The following KAZN variants were observed in gnomAD, a reference collection of about 807,000 sequenced individuals.
The protein encoded by KAZN is kazrin.
In KAZN, 40 loss-of-function variants were observed where a neutral mutation model predicts 87.4. That is an observed-to-expected ratio of 0.46 (90% CI 0.36 to 0.60). The LOEUF (loss-of-function observed/expected upper bound fraction) is 0.60, where lower values mean the gene tolerates loss of function less well. Ranked by LOEUF, KAZN falls within the 20% of genes least tolerant of loss-of-function variation. The probability of loss-of-function intolerance (pLI) is 0.00; values close to 1 mark genes in which losing one functional copy is unlikely to be tolerated. For synonymous variants in KAZN, 466 were observed against 458.3 expected (o/e 1.02, Z -0.22); for missense variants, 898 against 1,073.9 (o/e 0.84, Z 2.29).
At chr1:14,330,881 C>A (rs1217794127) in intron 2 of KAZN, among the ~76,000 whole-genome samples, 1 of 152,156 alleles carries the variant, frequency 6.6e-6, no homozygotes, top group African/African-American at 2.4e-5. Context: ...CACTACCTGA[C>A]AAGTTCAACC....
intron 2 of KAZN, among the ~76,000 whole-genome samples, chr1:14,494,202 T>TA (rs919953007): frequency 6.6e-6 from 1 of 152,168 alleles, no homozygotes; most frequent in African/African-American, 2.4e-5. Flanking sequence ...CCTGTCCCCA[T>TA]AGATGATAGA....
intron 1 of KAZN, among the ~76,000 whole-genome samples, chr1:14,678,347 T>G (rs2148753770): frequency 6.6e-6 from 1 of 152,322 alleles, no homozygotes; most frequent in Non-Finnish European, 1.5e-5. Context: ...CTCCAAGTTC[T>G]TAGGTTTTTG....
chr1:14,660,118 G>C (rs1229506517), intron 1 of KAZN, among the ~76,000 whole-genome samples: 2 of 152,166 alleles, frequency 1.3e-5, no homozygotes, highest in Non-Finnish European at 2.9e-5. Context: ...GCCTGCTTCA[G>C]TGGGGCTGGG....
chr1:14,411,386 C>T (rs1037843866), intron 2 of KAZN, among the ~76,000 whole-genome samples: 5 of 152,204 alleles, frequency 3.3e-5, no homozygotes, highest in Non-Finnish European at 7.3e-5. Context: ...CCTCCGTCTC[C>T]CTAGTTCAAG....
intron 2 of KAZN, among the ~76,000 whole-genome samples, chr1:14,436,538 T>C (rs1666393087): frequency 6.6e-6 from 1 of 151,558 alleles, no homozygotes; most frequent in Non-Finnish European, 1.5e-5. Context: ...GACAACATGG[T>C]GAAACCCCGT....
intron 2 of KAZN, among the ~76,000 whole-genome samples, chr1:14,552,311 C>T (rs1270789661): frequency 6.6e-6 from 1 of 152,202 alleles, no homozygotes; most frequent in East Asian, 1.9e-4. Flanking sequence ...AGCAGAGCCT[C>T]CCTGCAGCTT....
chr1:14,600,954 T>G lies in KAZN; in HGVS notation c.226+1731T>G, dbSNP rs2148599124. 1.3e-5 allele frequency among the ~76,000 whole-genome samples: 2 copies of G among 152,342 alleles called. 1 individual carries two copies. Among genetic ancestry groups the G allele is most frequent in the South Asian group, 4.1e-4 (2 of 4,828 alleles). ...ATGTCCACATGCTCAACTTGAAAAC[T>G]GACATACTCGCGGATGGTTAAATTG... On this transcript the variant is annotated intron_variant, in intron 1 of 14. Coordinates refer to ENST00000376030, the MANE Select transcript of KAZN (RefSeq NM_201628.3).
chr1:14,502,877 A>G (rs530490824), intron 2 of KAZN, among the ~76,000 whole-genome samples: 17 of 152,276 alleles, frequency 1.1e-4, no homozygotes, highest in African/African-American at 3.9e-4. Context: ...CACCCTTCAG[A>G]GAGAGTTGCT....
At chr1:13,918,900 TAGCTCACTGTAGC>T (rs1639958166) in intron 1 of KAZN, among the ~76,000 whole-genome samples, 1 of 152,222 alleles carries the variant, frequency 6.6e-6, no homozygotes, top group Non-Finnish European at 1.5e-5. Flanking sequence ...GGCATGATTG[TAGCTCACTGTAGC>T]TTTGGCCTCT....
intron 1 of KAZN, among the ~76,000 whole-genome samples, chr1:14,602,313 A>C (rs987847769): frequency 1.3e-5 from 2 of 152,240 alleles, no homozygotes; most frequent in African/African-American, 4.8e-5. Flanking sequence ...CCTGGCAGCC[A>C]GCCCATCTTG....
At chr1:14,430,273 C>T (rs1489280163) in intron 2 of KAZN, among the ~76,000 whole-genome samples, 1 of 151,016 alleles carries the variant, frequency 6.6e-6, no homozygotes, top group African/African-American at 2.4e-5. Context: ...GTCCATATCA[C>T]CTTTTAACTT....
At chr1:13,996,602 C>A (rs1028076908) in intron 1 of KAZN, among the ~76,000 whole-genome samples, 8 of 152,218 alleles carry the variant, frequency 5.3e-5, no homozygotes, top group Non-Finnish European at 1.2e-4. Flanking sequence ...CAGAGTGCCT[C>A]TTCAGGCCTG....
chr1:14,750,557 A>G (rs1241982905), intron 1 of KAZN, among the ~76,000 whole-genome samples: 1 of 151,982 alleles, frequency 6.6e-6, no homozygotes, highest in African/African-American at 2.4e-5. Context: ...TGTTTCAGAA[A>G]TAATTTCTTC....
At chr1:14,006,228 T>G (rs890040685) in intron 1 of KAZN, among the ~76,000 whole-genome samples, 1 of 152,226 alleles carries the variant, frequency 6.6e-6, no homozygotes, top group Admixed American at 6.5e-5. Flanking sequence ...TTTGCATTGC[T>G]ATAAAGGAAT....
chr1:14,188,981 A>C (rs1646370654), intron 2 of KAZN, among the ~76,000 whole-genome samples: 1 of 152,172 alleles, frequency 6.6e-6, no homozygotes, highest in Admixed American at 6.6e-5. Flanking sequence ...ATACACATTC[A>C]TATTAAACTC....
intron 2 of KAZN, among the ~76,000 whole-genome samples, chr1:14,289,782 T>C (rs1367061546): frequency 1.3e-5 from 2 of 152,224 alleles, no homozygotes; most frequent in Non-Finnish European, 2.9e-5. Context: ...GCATCGATGG[T>C]CTTTACACTT....
chr1:14,252,921 C>T (rs1650178081), intron 2 of KAZN, among the ~76,000 whole-genome samples: 1 of 152,046 alleles, frequency 6.6e-6, no homozygotes, highest in Non-Finnish European at 1.5e-5. Context: ...TCAGGGTGTA[C>T]CATCAAACTG....
chr1:14,105,696 A>T (rs962028671), intron 1 of KAZN, among the ~76,000 whole-genome samples: 1 of 152,216 alleles, frequency 6.6e-6, no homozygotes, highest in African/African-American at 2.4e-5. Flanking sequence ...CAATTAAGAC[A>T]ATTTCATGGA....
chr1:14,679,064 G>A (rs1441700896), intron 1 of KAZN, among the ~76,000 whole-genome samples: 12 of 152,174 alleles, frequency 7.9e-5, no homozygotes, highest in Admixed American at 6.5e-4. Context: ...CCAGACACTC[G>A]TCACGCTTGT....
Sources: allele counts gnomAD v4.1 joint callset (sites outside exome capture counted in the v4.1 genomes callset), GRCh38; gene constraint gnomAD v4.1.1; transcripts MANE v1.5; gene names NCBI Gene and HGNC (gene_info 2026-07-23, HGNC 2026-07-21).